The following CLMP variants were observed in gnomAD, a reference collection of about 807,000 sequenced individuals.
The protein encoded by CLMP is CXADR-like membrane protein.
In CLMP, 27 loss-of-function variants were observed where a neutral mutation model predicts 45.2. The observed-to-expected ratio is 0.60, with a 90% CI of 0.44 to 0.82. The LOEUF is 0.82. Among genes scored for constraint, CLMP ranks in the 40% least tolerant of loss-of-function variants. CLMP has a pLI of 0.00. For synonymous variants in CLMP, 167 were observed against 171.4 expected, an observed-to-expected ratio of 0.97 and a Z score of 0.20; for missense variants, 403 against 448.4, an observed-to-expected ratio of 0.90 and a Z score of 0.91.
intron 1 of CLMP, among the ~76,000 whole-genome samples, chr11:123,145,827 G>A (rs1591476805): frequency 6.6e-6 from 1 of 152,140 alleles, no homozygotes; most frequent in African/African-American, 2.4e-5. Flanking sequence ...GAATAGTCCC[G>A]CACTTCCCTG....
intron 1 of CLMP, among the ~76,000 whole-genome samples, chr11:123,139,332 G>T (rs1861122710): frequency 6.6e-6 from 1 of 152,038 alleles, no homozygotes; most frequent in Non-Finnish European, 1.5e-5. Context: ...TGGGCTGTTA[G>T]ATGTCAAAAA....
chr11:123,116,200 T>A lies in CLMP; in HGVS notation c.29-18248A>T, dbSNP rs543655600. On this transcript the variant is annotated intron_variant, in intron 1 of 6. Coordinates refer to ENST00000448775, the MANE Select transcript of CLMP (RefSeq NM_024769.5). ...GCAATTCAATAATTCCAGCCCACACTCAAGAAGAGAGGAATATTAAGAGGC... is the reference window on the plus strand; with the variant it reads ...GCAATTCAATAATTCCAGCCCACACACAAGAAGAGAGGAATATTAAGAGGC... Among the ~76,000 whole-genome samples the A allele has an allele frequency of 2.0e-3, 296 of 151,756 alleles. 1 individual carries two copies. The highest frequency in any genetic ancestry group is 6.8e-3 in the African/African-American group (281 of 41,366).
intron 1 of CLMP, among the ~76,000 whole-genome samples, chr11:123,099,193 A>C (rs1866025820): frequency 6.6e-6 from 1 of 152,182 alleles, no homozygotes; most frequent in Admixed American, 6.5e-5. Context: ...GATGATACTC[A>C]TGGAAACTGC....
intron 1 of CLMP, among the ~76,000 whole-genome samples, chr11:123,136,723 C>T (rs541674065): frequency 6.6e-6 from 1 of 151,274 alleles, no homozygotes; most frequent in East Asian, 1.9e-4. Context: ...ACATGCCACC[C>T]TGCCTGGCTA....
rs1865665547 is a variant in CLMP, at chr11:123,071,011, C to A, written c.*2463G>T. The A allele has an allele frequency of 1.3e-5, 2 of 152,142 alleles. No individual in the cohort carries two copies. The highest frequency in any genetic ancestry group is 1.3e-4 in the Admixed American group (2 of 15,276). The allele number at this position is 152,142 out of a possible 1,614,324, so 9.4% of individuals were successfully genotyped here. A position where few individuals can be genotyped will look rare whatever the true frequency, so the allele number is the denominator to read the frequency against. On this transcript the variant is annotated 3_prime_UTR_variant, in exon 7 of 7. Coordinates refer to ENST00000448775, the MANE Select transcript of CLMP (RefSeq NM_024769.5). ...GAGAATTAAATATAGGAGTGAAAAA[C>A]CAGAGAAATGGGGCAAAATCCCAGA... is the stretch of plus-strand genomic sequence containing the variant.
At chr11:123,185,582 G>A (rs1219787128) in intron 1 of CLMP, among the ~76,000 whole-genome samples, 1 of 152,220 alleles carries the variant, frequency 6.6e-6, no homozygotes. Context: ...TGGAGCGGAG[G>A]CAAGGCGGGA....
chr11:123,150,505 A>AAGGG (rs1861312549), intron 1 of CLMP, among the ~76,000 whole-genome samples: 1 of 129,814 alleles, frequency 7.7e-6, no homozygotes, highest in Non-Finnish European at 1.6e-5. Context: ...GGAAGGAAGG[A>AAGGG]AGGAAGGAAG....
At chr11:123,146,071 T>C (rs1326658857) in intron 1 of CLMP, among the ~76,000 whole-genome samples, 1 of 152,202 alleles carries the variant, frequency 6.6e-6, no homozygotes, top group Non-Finnish European at 1.5e-5. Context: ...GCATCCCTAT[T>C]TTATAGATGG....
At chr11:123,087,547 G>T (rs1865879621) in intron 2 of CLMP, among the ~76,000 whole-genome samples, 1 of 151,860 alleles carries the variant, frequency 6.6e-6, no homozygotes, top group South Asian at 2.1e-4. Flanking sequence ...TTGCGGCTCG[G>T]TGCAGTGGCT....
Position 123,195,186 on chromosome 11 carries a change from G to T in CLMP, c.-246C>A. 3.5e-6 allele frequency: 1 copy of T among 283,260 alleles called. No individual in the cohort carries two copies. The highest frequency in any genetic ancestry group is 6.5e-6 in the Non-Finnish European group (1 of 153,706). The allele number at this position is 283,260 out of a possible 1,614,324, so 17.5% of individuals were successfully genotyped here. On this transcript the variant is annotated 5_prime_UTR_variant, in exon 1 of 7. Coordinates refer to ENST00000448775, the MANE Select transcript of CLMP (RefSeq NM_024769.5). Reference sequence around the variant, plus strand: ...CGGGACCAGGGTCAGGGAGGAAAACGCGAGGCGAAAAGGCGCTACCGCTTC... The same window carrying T: ...CGGGACCAGGGTCAGGGAGGAAAACTCGAGGCGAAAAGGCGCTACCGCTTC...
Position 123,073,529 on chromosome 11 carries a change from G to C in CLMP, c.1067C>G (p.Ala356Gly). Residue 356 changes from alanine to glycine, a missense_variant, in exon 7 of 7, where the codon GCA becomes GGA. Transcript: ENST00000448775. Reference sequence around the variant, plus strand: ...GGGGATCATGCTGGGTGTGGTTTCTGCTTTGGTCAGATTAGCATGGTGGAC... The same window carrying C: ...GGGGATCATGCTGGGTGTGGTTTCTCCTTTGGTCAGATTAGCATGGTGGAC... ...KKVHHANLTK[A>G]ETTPSMIPSQ... The C allele has an allele frequency of 6.2e-7, 1 of 1,614,214 alleles. No individual in the cohort carries two copies. The highest frequency in any genetic ancestry group is 8.5e-7 in the Non-Finnish European group (1 of 1,180,042).
chr11:123,094,598 C>T (rs1865969267), intron 2 of CLMP, among the ~76,000 whole-genome samples: 1 of 152,186 alleles, frequency 6.6e-6, no homozygotes, highest in African/African-American at 2.4e-5. Flanking sequence ...AGTTCTCACT[C>T]TGTTGCTCAG....
chr11:123,080,760 A>G (rs1175722924), intron 5 of CLMP, among the ~76,000 whole-genome samples: 1 of 152,248 alleles, frequency 6.6e-6, no homozygotes, highest in Non-Finnish European at 1.5e-5. Flanking sequence ...GTGGGAAAAC[A>G]GCTAAACCAA....
At chr11:123,138,979 G>A (rs925740091) in intron 1 of CLMP, among the ~76,000 whole-genome samples, 2 of 151,896 alleles carry the variant, frequency 1.3e-5, no homozygotes, top group African/African-American at 4.8e-5. Context: ...TTAAATGGGT[G>A]AAAAAAATTA....
At chr11:123,115,711 G>T (rs892416995) in intron 1 of CLMP, among the ~76,000 whole-genome samples, 1 of 152,134 alleles carries the variant, frequency 6.6e-6, no homozygotes, top group Admixed American at 6.6e-5. Context: ...TTGGGTGCTT[G>T]TTACTTGGGT....
intron 1 of CLMP, among the ~76,000 whole-genome samples, chr11:123,101,536 A>C (rs1866060237): frequency 6.6e-6 from 1 of 152,246 alleles, no homozygotes; most frequent in South Asian, 2.1e-4. Flanking sequence ...AGAATGGAGC[A>C]GGGGAGATTG....
chr11:123,107,988 GC>G (rs1350666930), intron 1 of CLMP, among the ~76,000 whole-genome samples: 1 of 149,752 alleles, frequency 6.7e-6, no homozygotes, highest in East Asian at 2.0e-4. Flanking sequence ...AAGGAAGACT[GC>G]AGTGAGTAAG....
At chr11:123,077,654 T>G (rs1251099206) in intron 5 of CLMP, among the ~76,000 whole-genome samples, 3 of 152,166 alleles carry the variant, frequency 2.0e-5, no homozygotes, top group African/African-American at 7.2e-5. Flanking sequence ...AAATTGGACT[T>G]TGGATATTTT....
At chr11:123,113,213 G>A (rs1860667144) in intron 1 of CLMP, among the ~76,000 whole-genome samples, 1 of 152,224 alleles carries the variant, frequency 6.6e-6, no homozygotes, top group African/African-American at 2.4e-5. Context: ...GGCACCCAGA[G>A]GTGAGTAACC....
Sources: allele counts gnomAD v4.1 joint callset (sites outside exome capture counted in the v4.1 genomes callset), GRCh38; gene constraint gnomAD v4.1.1; transcripts MANE v1.5; gene names NCBI Gene and HGNC (gene_info 2026-07-23, HGNC 2026-07-21).